The following CSTPP1 variants were observed in gnomAD, a reference collection of about 807,000 sequenced individuals.
CSTPP1 encodes UPF0705 protein C11orf49.
the CSTPP1 span, among the ~76,000 whole-genome samples, chr11:47,063,635 G>T: frequency 6.6e-6 from 1 of 152,134 alleles, no homozygotes; most frequent in Non-Finnish European, 1.5e-5. Context: ...GTGCATCCAT[G>T]TTGTAATATG....
chr11:46,969,798 T>G, the CSTPP1 span, among the ~76,000 whole-genome samples: 1 of 152,124 alleles, frequency 6.6e-6, no homozygotes, highest in Non-Finnish European at 1.5e-5. Context: ...AGGGTCTCAC[T>G]CTGTCACCCA....
the CSTPP1 span, among the ~76,000 whole-genome samples, chr11:47,063,896 G>A: frequency 6.6e-6 from 1 of 152,148 alleles, no homozygotes. Context: ...TTGAGGAACT[G>A]CTGTAAAGTT....
chr11:47,123,143 C>T, the CSTPP1 span: 1 of 152,150 alleles, frequency 6.6e-6, no homozygotes. Context: ...TGAATTAAAT[C>T]TTTATTGTAA....
At chr11:47,095,908 G>A in the CSTPP1 span, among the ~76,000 whole-genome samples, 1 of 152,088 alleles carries the variant, frequency 6.6e-6, no homozygotes, top group Non-Finnish European at 1.5e-5. Flanking sequence ...GATGGACAGA[G>A]GCCAAGCTGT....
the CSTPP1 span, among the ~76,000 whole-genome samples, chr11:47,034,334 CTG>C: frequency 1.3e-5 from 2 of 152,014 alleles, no homozygotes; most frequent in Non-Finnish European, 2.9e-5. Flanking sequence ...ATAAACCTGA[CTG>C]TGTTTGCACA....
At chr11:46,973,568 A>G in the CSTPP1 span, among the ~76,000 whole-genome samples, 1 of 152,202 alleles carries the variant, frequency 6.6e-6, no homozygotes, top group African/African-American at 2.4e-5. Context: ...ATGACCCATG[A>G]GGACTGAAGG....
the CSTPP1 span, chr11:47,155,605 T>C: frequency 9.5e-6 from 3 of 315,876 alleles, no homozygotes; most frequent in African/African-American, 6.3e-5. Flanking sequence ...GGCACAGCAC[T>C]GACTTTAATC....
the CSTPP1 span, among the ~76,000 whole-genome samples, chr11:47,060,245 T>C: frequency 6.8e-6 from 1 of 146,760 alleles, no homozygotes; most frequent in Non-Finnish European, 1.5e-5. Flanking sequence ...TCACATTCTT[T>C]CTCTTTTCTT....
At chr11:47,060,186 A>G in the CSTPP1 span, among the ~76,000 whole-genome samples, 21 of 151,400 alleles carry the variant, frequency 1.4e-4, no homozygotes, top group Non-Finnish European at 2.2e-4. Flanking sequence ...CAGCGCTTAT[A>G]AGTAGCACAG....
At chr11:47,117,920 C>T in the CSTPP1 span, among the ~76,000 whole-genome samples, 3 of 148,244 alleles carry the variant, frequency 2.0e-5, no homozygotes, top group African/African-American at 7.5e-5. Flanking sequence ...CACTGTGTCG[C>T]CCAGGCTAGA....
chr11:47,043,512 C>G, the CSTPP1 span, among the ~76,000 whole-genome samples: 2 of 152,142 alleles, frequency 1.3e-5, no homozygotes, highest in Non-Finnish European at 2.9e-5. Context: ...CATAAGCCAT[C>G]CAATACAAGA....
chr11:47,019,029 C>T, the CSTPP1 span, among the ~76,000 whole-genome samples: 9 of 150,456 alleles, frequency 6.0e-5, no homozygotes, highest in Non-Finnish European at 7.4e-5. Context: ...TTTTTTGAGA[C>T]GGAGTTTTGC....
the CSTPP1 span, among the ~76,000 whole-genome samples, chr11:47,149,470 A>G: frequency 6.6e-6 from 1 of 152,202 alleles, no homozygotes; most frequent in African/African-American, 2.4e-5. Context: ...GGGAGTGGCA[A>G]TGAGCTTGAG....
the CSTPP1 span, among the ~76,000 whole-genome samples, chr11:47,026,821 T>C: frequency 6.6e-6 from 1 of 152,134 alleles, no homozygotes; most frequent in Non-Finnish European, 1.5e-5. Context: ...GAGGTTGCAA[T>C]AAGTTGAGAT....
the CSTPP1 span, among the ~76,000 whole-genome samples, chr11:47,011,163 A>G: frequency 1.3e-5 from 2 of 152,194 alleles, no homozygotes; most frequent in Admixed American, 1.3e-4. Flanking sequence ...TTTTTCCAAA[A>G]ATATACATTT....
At chr11:47,108,282 G>A in the CSTPP1 span, among the ~76,000 whole-genome samples, 5 of 152,348 alleles carry the variant, frequency 3.3e-5, no homozygotes, top group Admixed American at 3.3e-4. Context: ...ACACCTTGGA[G>A]CAATGGGAGC....
At chr11:47,108,822 T>A in the CSTPP1 span, among the ~76,000 whole-genome samples, 1 of 148,334 alleles carries the variant, frequency 6.7e-6, no homozygotes, top group Non-Finnish European at 1.5e-5. Flanking sequence ...TTCTCTTACC[T>A]CAGCCTCCTG....
At chr11:46,989,672 T>A in the CSTPP1 span, among the ~76,000 whole-genome samples, 1 of 152,202 alleles carries the variant, frequency 6.6e-6, no homozygotes, top group Non-Finnish European at 1.5e-5. Flanking sequence ...AACACATTAA[T>A]ATTCTTTTTC....
the CSTPP1 span, among the ~76,000 whole-genome samples, chr11:47,066,195 C>G: frequency 6.7e-6 from 1 of 148,976 alleles, no homozygotes; most frequent in Non-Finnish European, 1.5e-5. Flanking sequence ...AAGCAGGCAT[C>G]TTTGTCTTTT....
Sources: gnomAD v4.1 joint callset for allele counts (sites outside exome capture counted in the v4.1 genomes callset) on GRCh38, gnomAD v4.1.1 for gene constraint, MANE v1.5 for transcripts, NCBI Gene and HGNC (gene_info 2026-07-23, HGNC 2026-07-21) for gene names.